MPPED2: variants seen among roughly 807,000 people sequenced by gnomAD.
MPPED2 encodes the protein metallophosphoesterase domain containing 2, also known as metallophosphoesterase MPPED2.
In MPPED2, 5 loss-of-function variants were observed where a neutral mutation model predicts 33.0. That is an observed-to-expected ratio of 0.15 (90% CI 0.08 to 0.32). The LOEUF is 0.32. MPPED2 is among the 10% of genes least tolerant of loss of function. The probability of loss-of-function intolerance (pLI) is 1.00; values close to 1 mark genes in which losing one functional copy is unlikely to be tolerated. For synonymous variants in MPPED2, 136 were observed against 141.9 expected, an observed-to-expected ratio of 0.96 and a Z score of 0.29; for missense variants, 275 against 372.1, an observed-to-expected ratio of 0.74 and a Z score of 2.15.
chr11:30,529,523 TTGTGTG>T (rs35929058), intron 3 of MPPED2, among the ~76,000 whole-genome samples: 6 of 150,178 alleles, frequency 4.0e-5, no homozygotes, highest in African/African-American at 7.3e-5. Flanking sequence ...CAAAAGATAT[TTGTGTG>T]TGTGTGTGTG....
chr11:30,541,265 T>C lies in MPPED2; in HGVS notation c.129-5090A>G, dbSNP rs189922720. Among the ~76,000 whole-genome samples, 31 of 152,250 alleles carry C rather than the reference T, an allele frequency of 2.0e-4. No homozygotes were observed. The East Asian group carries it at 5.4e-3, about 27-fold the overall frequency. ...TTTATTCAGTCTTGACATATTAGGGTTTTTTTACTCACAAAAAATATGATA... is the reference window on the plus strand; with the variant it reads ...TTTATTCAGTCTTGACATATTAGGGCTTTTTTACTCACAAAAAATATGATA... On this transcript the variant is annotated intron_variant, in intron 2 of 6. Transcript: ENST00000358117.
At chr11:30,464,385 T>C (rs1950624890) in intron 4 of MPPED2, among the ~76,000 whole-genome samples, 1 of 152,086 alleles carries the variant, frequency 6.6e-6, no homozygotes, top group Non-Finnish European at 1.5e-5. Flanking sequence ...TGAGGGATCA[T>C]CCTTCCCAAG....
chr11:30,386,654 AT>A, exon 7 of MPPED2: 1 of 398,464 alleles, frequency 2.5e-6, no homozygotes. Context: ...CAGAATTTGG[AT>A]CCCAAATAAA....
chr11:30,553,036 G>A (rs1004474020), intron 2 of MPPED2, among the ~76,000 whole-genome samples: 29 of 152,098 alleles, frequency 1.9e-4, no homozygotes, highest in African/African-American at 6.5e-4. Flanking sequence ...CACCCACGGT[G>A]AGCACAGGGA....
intron 4 of MPPED2, among the ~76,000 whole-genome samples, chr11:30,428,073 C>T (rs1302598196): frequency 6.6e-6 from 1 of 152,134 alleles, no homozygotes; most frequent in Non-Finnish European, 1.5e-5. Flanking sequence ...AGGAAGCTGA[C>T]ATACGGCCTG....
intron 4 of MPPED2, among the ~76,000 whole-genome samples, chr11:30,432,430 G>T (rs1949121565): frequency 7.5e-6 from 1 of 134,172 alleles, no homozygotes; most frequent in Non-Finnish European, 1.5e-5. Context: ...AATAAAGCAG[G>T]TTATAGTTTA....
chr11:30,463,101 G>C (rs895820310), intron 4 of MPPED2, among the ~76,000 whole-genome samples: 2 of 152,186 alleles, frequency 1.3e-5, no homozygotes, highest in African/African-American at 4.8e-5. Flanking sequence ...GGTATAAGAA[G>C]TGAGAAATCT....
intron 4 of MPPED2, among the ~76,000 whole-genome samples, chr11:30,487,927 G>T (rs1322442027): frequency 6.6e-6 from 1 of 151,900 alleles, no homozygotes; most frequent in East Asian, 1.9e-4. Flanking sequence ...TTTGCAACTA[G>T]ATGAAAACGT....
At chr11:30,495,849 T>A (rs1952226642) in intron 3 of MPPED2, among the ~76,000 whole-genome samples, 2 of 152,178 alleles carry the variant, frequency 1.3e-5, no homozygotes, top group South Asian at 4.1e-4. Context: ...AGTAAAAAGC[T>A]CTTTAATCAC....
chr11:30,447,446 G>A (rs1345133670), intron 4 of MPPED2, among the ~76,000 whole-genome samples: 2 of 152,168 alleles, frequency 1.3e-5, no homozygotes, highest in African/African-American at 4.8e-5. Context: ...TTTCACCCAG[G>A]AAAGCAGTGG....
At chr11:30,505,732 G>T (rs1277963608) in intron 3 of MPPED2, among the ~76,000 whole-genome samples, 1 of 152,166 alleles carries the variant, frequency 6.6e-6, no homozygotes, top group Non-Finnish European at 1.5e-5. Flanking sequence ...ACATTGTCAG[G>T]TTTCATCTGG....
intron 2 of MPPED2, among the ~76,000 whole-genome samples, chr11:30,571,791 A>C (rs1956706854): frequency 6.6e-6 from 1 of 152,216 alleles, no homozygotes; most frequent in African/African-American, 2.4e-5. Context: ...TAGCAGCATT[A>C]GCTTTGTTTC....
At chr11:30,501,370 T>C (rs1326793643) in intron 3 of MPPED2, among the ~76,000 whole-genome samples, 3 of 152,228 alleles carry the variant, frequency 2.0e-5, no homozygotes, top group South Asian at 4.1e-4. Context: ...ACAAAAGTAT[T>C]ATTAGGGCCA....
At chr11:30,532,830 T>C (rs1954600999) in intron 3 of MPPED2, among the ~76,000 whole-genome samples, 1 of 152,186 alleles carries the variant, frequency 6.6e-6, no homozygotes, top group Non-Finnish European at 1.5e-5. Context: ...TTAATGACTT[T>C]GCCTGTTACT....
At chr11:30,550,584 A>G (rs1955659510) in intron 2 of MPPED2, among the ~76,000 whole-genome samples, 1 of 152,176 alleles carries the variant, frequency 6.6e-6, no homozygotes, top group Admixed American at 6.5e-5. Context: ...ACAAGTTCAC[A>G]CACACATTTG....
intron 4 of MPPED2, among the ~76,000 whole-genome samples, chr11:30,421,279 A>G (rs1460955284): frequency 3.9e-5 from 6 of 152,188 alleles, no homozygotes; most frequent in African/African-American, 1.4e-4. Context: ...GGAAATCCTC[A>G]GTTTTATAAG....
intron 3 of MPPED2, among the ~76,000 whole-genome samples, chr11:30,520,448 CA>C (rs1953803831): frequency 6.6e-6 from 1 of 152,094 alleles, no homozygotes; most frequent in Non-Finnish European, 1.5e-5. Flanking sequence ...ATAAGGCAAA[CA>C]AAAAGAATGT....
chr11:30,446,980 T>A (rs1435864506), intron 4 of MPPED2, among the ~76,000 whole-genome samples: 1 of 152,180 alleles, frequency 6.6e-6, no homozygotes, highest in Admixed American at 6.5e-5. Context: ...GTATTGGGTG[T>A]TCTAGCAGGG....
chr11:30,484,926 C>A (rs1217590376), intron 4 of MPPED2, among the ~76,000 whole-genome samples: 4 of 152,162 alleles, frequency 2.6e-5, no homozygotes, highest in Admixed American at 2.6e-4. Flanking sequence ...CTCATTTCTA[C>A]TCTTTTTTGC....
Sources: gnomAD v4.1 joint callset for allele counts (sites outside exome capture counted in the v4.1 genomes callset) on GRCh38, gnomAD v4.1.1 for gene constraint, MANE v1.5 for transcripts, NCBI Gene and HGNC (gene_info 2026-07-23, HGNC 2026-07-21) for gene names.